The following LRGUK variants were observed in gnomAD, a reference collection of about 807,000 sequenced individuals.
LRGUK encodes the protein leucine rich repeats and guanylate kinase domain containing, also known as leucine-rich repeat and guanylate kinase domain-containing protein.
A neutral mutation model predicts 76.0 loss-of-function variants in LRGUK; 65 were observed. The ratio of observed to expected loss-of-function variants is 0.85; its 90% CI spans 0.70 to 1.05. LRGUK has a LOEUF of 1.05. Among genes scored for constraint, LRGUK ranks in the 50% least tolerant of loss-of-function variants. LRGUK has a pLI of 0.00. For synonymous variants in LRGUK, 268 were observed against 265.6 expected (o/e 1.01, Z -0.09); for missense variants, 758 against 732.8 (o/e 1.03, Z -0.40).
intron 5 of LRGUK, among the ~76,000 whole-genome samples, chr7:134,150,479 C>CAAAAAAAAA (rs11403705): frequency 4.5e-5 from 6 of 134,532 alleles, no homozygotes; most frequent in South Asian, 2.3e-4. Flanking sequence ...AACAAGCAAA[C>CAAAAAAAAA]AAAAAAAAAA....
chr7:134,211,765 A>G (rs916171246), downstream of LRGUK, among the ~76,000 whole-genome samples: 3 of 152,206 alleles, frequency 2.0e-5, no homozygotes, highest in Non-Finnish European at 4.4e-5. Context: ...TATTCATACC[A>G]TCAGGATTCT....
intron 15 of LRGUK, among the ~76,000 whole-genome samples, chr7:134,220,615 G>A (rs1271639928): frequency 6.6e-6 from 1 of 151,130 alleles, no homozygotes; most frequent in African/African-American, 2.4e-5. Flanking sequence ...TTGTTTTGAG[G>A]CAGGTCTCAC....
chr7:134,184,460 G>C (rs1212432037), intron 11 of LRGUK, among the ~76,000 whole-genome samples: 7 of 151,786 alleles, frequency 4.6e-5, no homozygotes, highest in Non-Finnish European at 1.0e-4. Context: ...TAGTAGAGAA[G>C]GGGTTTCACC....
chr7:134,271,430 C>T, the LRGUK span, among the ~76,000 whole-genome samples: 3 of 151,796 alleles, frequency 2.0e-5, no homozygotes, highest in Non-Finnish European at 4.4e-5. Context: ...TTAAGTTTCA[C>T]TCTTCCAATT....
At chr7:134,243,918 CT>C (rs1377039668) in intron 16 of LRGUK, among the ~76,000 whole-genome samples, 1 of 152,274 alleles carries the variant, frequency 6.6e-6, no homozygotes, top group East Asian at 1.9e-4. Flanking sequence ...ACCATCTGAT[CT>C]TTGACAAACC....
At position 134,144,212 on chromosome 7, in the gene LRGUK, C is replaced by T. The variant is rs549659828; in HGVS notation, c.588+1050C>T. On this transcript the variant is annotated intron_variant, in intron 4 of 15. Coordinates refer to ENST00000645682, the Ensembl canonical transcript of LRGUK. ...CAGTGGCGCAATCTTGTCTCACTCT[C>T]ACCGCAACCTCCGACTCCTGGGCTC... Among the ~76,000 whole-genome samples the T allele has an allele frequency of 3.3e-5, 5 of 152,332 alleles. 1 individual carries two copies. The highest frequency in any genetic ancestry group is 1.2e-4 in the African/African-American group (5 of 41,578).
At chr7:134,135,433 G>C (rs1312865366) in intron 1 of LRGUK, among the ~76,000 whole-genome samples, 1 of 152,168 alleles carries the variant, frequency 6.6e-6, no homozygotes, top group Non-Finnish European at 1.5e-5. Context: ...TTCAGAAAGA[G>C]CCTTTCCCTG....
chr7:134,259,477 G>T lies in LRGUK; in HGVS notation c.2347+1072G>T, dbSNP rs564353559. 3.9e-5 allele frequency among the ~76,000 whole-genome samples: 6 copies of T among 152,230 alleles called. No homozygotes were observed. The South Asian group carries it at 8.3e-4, about 21-fold the overall frequency. On this transcript the variant is annotated intron_variant, in intron 19 of 19. Coordinates refer to the LRGUK transcript ENST00000285928. Reference sequence around the variant, plus strand: ...TGAGGGGATGTTTTGCCTGAACCCTGCTTGCTCAGGTGACCGGAGGAACTA... The same window carrying T: ...TGAGGGGATGTTTTGCCTGAACCCTTCTTGCTCAGGTGACCGGAGGAACTA...
chr7:134,229,448 A>G (rs771512174), intron 16 of LRGUK, among the ~76,000 whole-genome samples: 3 of 152,196 alleles, frequency 2.0e-5, no homozygotes, highest in Non-Finnish European at 4.4e-5. Context: ...TCAAATATTT[A>G]AAAACAAATT....
At chr7:134,253,465 G>T (rs2598268) in intron 18 of LRGUK, among the ~76,000 whole-genome samples, 11,251 of 152,222 alleles carry the variant, frequency 0.074, 1,018 homozygotes, top group African/African-American at 0.21. Context: ...GTTATAAAGT[G>T]AGTTAAGTTC....
At chr7:134,255,050 CTTTATT>C (rs1191874587) in intron 18 of LRGUK, among the ~76,000 whole-genome samples, 1 of 152,046 alleles carries the variant, frequency 6.6e-6, no homozygotes, top group Non-Finnish European at 1.5e-5. Context: ...AATTAGTGAA[CTTTATT>C]TTTAGGAAAT....
At chr7:134,193,066 A>G (rs1281354808) in intron 12 of LRGUK, among the ~76,000 whole-genome samples, 1 of 152,202 alleles carries the variant, frequency 6.6e-6, no homozygotes, top group East Asian at 1.9e-4. Flanking sequence ...GGCCAACTCT[A>G]TACATGGTGC....
chr7:134,258,465 A>G, intron 19 of LRGUK, 60 bp downstream of exon 19: 1 of 1,487,364 alleles, frequency 6.7e-7, no homozygotes, highest in African/African-American at 1.4e-5. Flanking sequence ...TGGGAGGCCG[A>G]GGCGAATGGA....
the LRGUK span, among the ~76,000 whole-genome samples, chr7:134,272,862 AT>A: frequency 6.6e-6 from 1 of 152,206 alleles, no homozygotes; most frequent in Non-Finnish European, 1.5e-5. Context: ...AAGTGAAAGA[AT>A]TAATCTTATT....
At chr7:134,157,960 T>G in intron 5 of LRGUK, 75 bp from the exon 6 acceptor site, 1 of 1,355,654 alleles carries the variant, frequency 7.4e-7, no homozygotes, top group South Asian at 1.3e-5. Flanking sequence ...TGTCTAGTGA[T>G]GATTTAACAC....
Position 134,225,125 on chromosome 7 carries a change from GAA to G in LRGUK, c.1983+3230_1983+3231del, listed in dbSNP as rs769671717. ...GGCTGGGGACAGGGGAACAGAACTG[GAA>G]AAAAAAAAAAAAAAAAAAAAAACCC... On this transcript the variant is annotated intron_variant, in intron 16 of 19. Coordinates refer to the LRGUK transcript ENST00000285928. 5.3e-3 allele frequency among the ~76,000 whole-genome samples: 320 copies of G among 60,872 alleles called. 2 individuals are homozygous for G. The highest frequency in any genetic ancestry group is 0.018 in the East Asian group (33 of 1,794). The allele number at this position is 60,872 out of a possible 152,430, so 39.9% of individuals were successfully genotyped here. A position where few individuals can be genotyped will look rare whatever the true frequency, so the allele number is the denominator to read the frequency against.
chr7:134,213,222 G>T (rs1279505503), downstream of LRGUK, among the ~76,000 whole-genome samples: 2 of 152,102 alleles, frequency 1.3e-5, no homozygotes, highest in Non-Finnish European at 2.9e-5. Context: ...TTTAACAATG[G>T]GGAGCTGCTG....
downstream of LRGUK, among the ~76,000 whole-genome samples, chr7:134,267,238 A>G (rs1344594567): frequency 6.6e-6 from 1 of 152,246 alleles, no homozygotes; most frequent in African/African-American, 2.4e-5. Flanking sequence ...CTACGCAGCC[A>G]TAAAAAGAAT....
At chr7:134,182,399 C>G (rs1799793693) in intron 10 of LRGUK, among the ~76,000 whole-genome samples, 1 of 152,168 alleles carries the variant, frequency 6.6e-6, no homozygotes. Context: ...TTCACTTGCT[C>G]TCAGATCTGT....
Sources: gnomAD v4.1 joint callset for allele counts (sites outside exome capture counted in the v4.1 genomes callset) on GRCh38, gnomAD v4.1.1 for gene constraint, MANE v1.5 for transcripts, NCBI Gene and HGNC (gene_info 2026-07-23, HGNC 2026-07-21) for gene names.